The following ROBO2 variants were observed in gnomAD, a reference collection of about 807,000 sequenced individuals.
The protein encoded by ROBO2 is roundabout guidance receptor 2, also known as roundabout homolog 2.
Under a neutral mutation model 160.8 loss-of-function variants are expected in ROBO2, and 53 were observed. That is an observed-to-expected ratio of 0.33 (90% CI 0.26 to 0.41). The LOEUF (loss-of-function observed/expected upper bound fraction) is 0.41. Ranked by LOEUF, ROBO2 falls within the 10% of genes least tolerant of loss-of-function variation. The probability of loss-of-function intolerance (pLI) is 1.00; values close to 1 mark genes in which losing one functional copy is unlikely to be tolerated. For synonymous variants in ROBO2, 664 were observed against 611.7 expected, an observed-to-expected ratio of 1.09 and a Z score of -1.26; for missense variants, 1,577 against 1,722.4, an observed-to-expected ratio of 0.92 and a Z score of 1.49.
At chr3:77,148,071 G>T (rs145932420) in intron 2 of ROBO2, among the ~76,000 whole-genome samples, 1 of 152,338 alleles carries the variant, frequency 6.6e-6, no homozygotes, top group East Asian at 1.9e-4. Flanking sequence ...TTTCCTGTCA[G>T]CAAGTGATTT....
At chr3:76,584,326 T>C (rs530885734) in intron 2 of ROBO2, among the ~76,000 whole-genome samples, 4 of 124,246 alleles carry the variant, frequency 3.2e-5, no homozygotes, top group African/African-American at 1.1e-4. Context: ...CAATATATGA[T>C]TCCCCCCCAG....
intron 2 of ROBO2, among the ~76,000 whole-genome samples, chr3:76,422,942 T>C (rs1233763465): frequency 2.0e-5 from 3 of 152,048 alleles, no homozygotes; most frequent in Non-Finnish European, 4.4e-5. Flanking sequence ...TTACTAAAGA[T>C]GCATGATGAA....
Position 76,730,268 on chromosome 3 carries a change from CCTACTCCCTACCCGCTTG to C in ROBO2, c.110-367745_110-367728del, listed in dbSNP as rs1313296438. On this transcript the variant is annotated intron_variant, in intron 2 of 26. Transcript: ENST00000487694. Reference sequence around the variant, plus strand: ...ACTCCCTACCCGCTTCTCCTCACCTCCTACTCCCTACCCGCTTGTCCTCACCTCCTACTCCCTACCCGC... The same window carrying C: ...ACTCCCTACCCGCTTCTCCTCACCTCTCCTCACCTCCTACTCCCTACCCGC... Among the ~76,000 whole-genome samples the C allele has an allele frequency of 3.1e-5, 3 of 95,546 alleles. No homozygotes were observed. In the Admixed American group the frequency reaches 3.2e-4, roughly 10 times the overall value. The allele number at this position is 95,546 out of a possible 152,430, so 62.7% of individuals were successfully genotyped here.
intron 2 of ROBO2, among the ~76,000 whole-genome samples, chr3:76,591,482 C>G (rs972478817): frequency 1.3e-5 from 2 of 152,082 alleles, no homozygotes; most frequent in African/African-American, 4.8e-5. Flanking sequence ...GTAGCTTGTT[C>G]TCTATTTTTA....
intron 6 of ROBO2, among the ~76,000 whole-genome samples, chr3:77,544,059 A>G (rs1368706955): frequency 6.6e-6 from 1 of 151,642 alleles, no homozygotes; most frequent in Non-Finnish European, 1.5e-5. Context: ...CTTTTTCATA[A>G]CAAATATAAT....
intron 2 of ROBO2, among the ~76,000 whole-genome samples, chr3:76,873,850 T>C (rs2072408534): frequency 6.6e-6 from 1 of 152,146 alleles, no homozygotes; most frequent in African/African-American, 2.4e-5. Flanking sequence ...CATTCCTTAT[T>C]TCCTGTAGCC....
chr3:76,054,310 C>T (rs1559871557), intron 2 of ROBO2, among the ~76,000 whole-genome samples: 1 of 152,118 alleles, frequency 6.6e-6, no homozygotes, highest in Non-Finnish European at 1.5e-5. Flanking sequence ...GGAAAAACCT[C>T]TCCTCCCTAG....
intron 2 of ROBO2, among the ~76,000 whole-genome samples, chr3:77,024,445 C>T (rs2062824621): frequency 1.3e-5 from 2 of 152,102 alleles, no homozygotes; most frequent in African/African-American, 4.8e-5. Flanking sequence ...ATCAGCAAAA[C>T]AGGGAGTCAT....
intron 1 of ROBO2, among the ~76,000 whole-genome samples, chr3:75,918,632 C>A (rs985060908): frequency 4.6e-5 from 7 of 152,108 alleles, no homozygotes; most frequent in Non-Finnish European, 2.9e-5. Flanking sequence ...GGCAATATGG[C>A]CATTTTCATG....
At chr3:76,922,427 A>G (rs1386531714) in intron 2 of ROBO2, among the ~76,000 whole-genome samples, 1 of 152,228 alleles carries the variant, frequency 6.6e-6, no homozygotes, top group Admixed American at 6.5e-5. Flanking sequence ...ATGAGGAGGA[A>G]ATAATTGTGG....
At chr3:76,978,876 T>A (rs1199394169) in intron 2 of ROBO2, among the ~76,000 whole-genome samples, 2 of 151,854 alleles carry the variant, frequency 1.3e-5, no homozygotes, top group African/African-American at 4.8e-5. Flanking sequence ...TTGTTTTACT[T>A]TTTTTTGTGT....
chr3:76,510,615 T>G (rs1445252808), intron 2 of ROBO2, among the ~76,000 whole-genome samples: 1 of 152,062 alleles, frequency 6.6e-6, no homozygotes, highest in East Asian at 1.9e-4. Flanking sequence ...TCCCAGCTAC[T>G]TGGGAGGCTG....
intron 2 of ROBO2, among the ~76,000 whole-genome samples, chr3:77,108,018 A>AC (rs2073042263): frequency 6.6e-6 from 1 of 151,546 alleles, no homozygotes; most frequent in Admixed American, 6.6e-5. Flanking sequence ...ATATAAACAT[A>AC]CATATATTTT....
intron 2 of ROBO2, among the ~76,000 whole-genome samples, chr3:76,212,435 C>T (rs1703203892): frequency 6.6e-6 from 1 of 151,738 alleles, no homozygotes. Context: ...AAATAGAAAT[C>T]AGAAAATATA....
Position 76,019,261 on chromosome 3 carries a change from G to A in ROBO2, c.109+81659G>A, listed in dbSNP as rs148945754. ...ATTTGCGTTATCGCCTCCCTACATG[G>A]TTAAGTTTTCTCTGAAGTTCCATGT... On this transcript the variant is annotated intron_variant, in intron 2 of 26. Coordinates refer to the ROBO2 transcript ENST00000487694. 8.6e-3 allele frequency among the ~76,000 whole-genome samples: 1,302 copies of A among 151,032 alleles called. 5 individuals are homozygous for A. Among genetic ancestry groups the A allele is most frequent in the Admixed American group, 0.015 (232 of 15,130 alleles).
At chr3:77,097,872 A>G in intron 1 of ROBO2, 142 bp from the exon 2 acceptor site, 2 of 686,824 alleles carry the variant, frequency 2.9e-6, no homozygotes, top group East Asian at 5.5e-5. Context: ...ATGACTTATG[A>G]GATGCATACA....
rs1022237181 is a variant in ROBO2, at chr3:76,292,692, G to T, written c.109+355090G>T. 2.6e-5 allele frequency among the ~76,000 whole-genome samples: 4 copies of T among 151,506 alleles called. No individual in the cohort carries two copies. In the South Asian group the frequency reaches 6.2e-4, roughly 24 times the overall value. On this transcript the variant is annotated intron_variant, in intron 2 of 26. Coordinates refer to the ROBO2 transcript ENST00000487694. ...AAACTAGAAAGAAAAATCCCTTCAT[G>T]CAACTTGAAAAAAAAATTAACTGAA...
intron 2 of ROBO2, among the ~76,000 whole-genome samples, chr3:77,415,088 G>T (rs548752072): frequency 6.6e-6 from 1 of 152,246 alleles, no homozygotes; most frequent in South Asian, 2.1e-4. Context: ...GGGACATCCA[G>T]GAATATTCAG....
At chr3:77,109,925 A>G (rs537969296) in intron 2 of ROBO2, among the ~76,000 whole-genome samples, 4 of 152,350 alleles carry the variant, frequency 2.6e-5, no homozygotes, top group Admixed American at 2.6e-4. Flanking sequence ...GTATAAATAC[A>G]ATGATGACCC....
Sources: allele counts gnomAD v4.1 joint callset (sites outside exome capture counted in the v4.1 genomes callset), GRCh38; gene constraint gnomAD v4.1.1; transcripts MANE v1.5; gene names NCBI Gene and HGNC (gene_info 2026-07-23, HGNC 2026-07-21).